The following PSMA8 variants were observed in gnomAD, a reference collection of about 807,000 sequenced individuals.
PSMA8 encodes proteasome subunit alpha-type 8.
A neutral mutation model predicts 32.4 loss-of-function variants in PSMA8; 18 were observed. The ratio of observed to expected loss-of-function variants is 0.56; its 90% CI spans 0.38 to 0.82. PSMA8 has a LOEUF of 0.82. Ranked by LOEUF, PSMA8 falls within the 40% of genes least tolerant of loss-of-function variation. The pLI is 0.00. For missense variants in PSMA8, 298 were observed against 300.7 expected (o/e 0.99, Z 0.07); for synonymous variants, 104 against 98.1 (o/e 1.06, Z -0.36).
At chr18:26,157,737 G>A (rs973619220) in intron 3 of PSMA8, among the ~76,000 whole-genome samples, 5 of 152,076 alleles carry the variant, frequency 3.3e-5, no homozygotes, top group South Asian at 2.1e-4. Context: ...CATTTATAGC[G>A]TCCCTCAAGG....
In PSMA8 at chr18:26,171,127, C is replaced by G. The variant is rs1470124563; in HGVS notation, c.478-7703C>G. ...GGAATGGAGAACCAGGTCTTCTTAC[C>G]CATAATCACCAGATTCTGTTTACCT... On this transcript the variant is annotated intron_variant, in intron 4 of 6. Transcript: ENST00000415576. The G allele has an allele frequency of 9.6e-6, 15 of 1,558,902 alleles. 2 individuals are homozygous for G. Among genetic ancestry groups the G allele is most frequent in the Non-Finnish European group, 1.2e-5 (14 of 1,169,976 alleles).
At chr18:26,145,678 A>G (rs2054997090) in intron 2 of PSMA8, among the ~76,000 whole-genome samples, 1 of 152,192 alleles carries the variant, frequency 6.6e-6, no homozygotes, top group Non-Finnish European at 1.5e-5. Flanking sequence ...AGTTCATGCA[A>G]GTTGTTGCAT....
chr18:26,166,864 A>G (rs183997574), intron 4 of PSMA8, among the ~76,000 whole-genome samples: 13 of 152,344 alleles, frequency 8.5e-5, no homozygotes, highest in Admixed American at 7.8e-4. Flanking sequence ...TTTGGAAAAC[A>G]TGTATTTGCC....
chr18:26,145,673 A>T (rs78574471), intron 2 of PSMA8, among the ~76,000 whole-genome samples: 8 of 152,210 alleles, frequency 5.3e-5, no homozygotes, highest in Admixed American at 5.2e-4. Context: ...CTTGCAGTTC[A>T]TGCAAGTTGT....
intron 1 of PSMA8, among the ~76,000 whole-genome samples, chr18:26,136,661 G>T (rs934232526): frequency 6.6e-6 from 1 of 152,146 alleles, no homozygotes; most frequent in Non-Finnish European, 1.5e-5. Context: ...CTGTACCACA[G>T]AATATTGTAC....
chr18:26,161,272 C>A (rs2055132559), intron 4 of PSMA8, among the ~76,000 whole-genome samples: 1 of 152,180 alleles, frequency 6.6e-6, no homozygotes, highest in African/African-American at 2.4e-5. Context: ...TAAGGATATT[C>A]ATGAGACACA....
intron 4 of PSMA8, among the ~76,000 whole-genome samples, chr18:26,176,861 A>G (rs1004245084): frequency 2.0e-5 from 3 of 152,300 alleles, no homozygotes; most frequent in African/African-American, 7.2e-5. Flanking sequence ...TGAGCCCAGG[A>G]GGCAGAGGTT....
At chr18:26,162,820 C>G (rs539347724) in intron 4 of PSMA8, among the ~76,000 whole-genome samples, 169 of 152,112 alleles carry the variant, frequency 1.1e-3, no homozygotes, top group African/African-American at 4.0e-3. Context: ...GAGCTGAGAT[C>G]ACACCACTGC....
chr18:26,151,385 C>T (rs536357776), intron 2 of PSMA8, among the ~76,000 whole-genome samples: 44 of 152,324 alleles, frequency 2.9e-4, no homozygotes, highest in African/African-American at 1.0e-3. Context: ...CACATTCTGT[C>T]TCCTTACAGA....
intron 4 of PSMA8, among the ~76,000 whole-genome samples, chr18:26,161,428 G>A (rs868620209): frequency 2.0e-5 from 3 of 152,198 alleles, no homozygotes; most frequent in Non-Finnish European, 2.9e-5. Flanking sequence ...TTCATAGCCT[G>A]TTCTAGAATT....
intron 4 of PSMA8, among the ~76,000 whole-genome samples, chr18:26,173,494 C>G (rs886317303): frequency 5.3e-5 from 8 of 151,554 alleles, no homozygotes; most frequent in African/African-American, 1.7e-4. Context: ...CCTTGTTTAC[C>G]TTGTTTATTA....
rs146900756 is a variant in PSMA8 at position 26,151,897 on chromosome 18, G to C, written c.269G>C (p.Arg90Pro). 1.1e-5 allele frequency: 17 copies of C among 1,611,726 alleles called. No homozygotes were observed. In the Admixed American group the frequency reaches 2.2e-4, roughly 21 times the overall value. ...ADARVVINRA[R>P]VECQSHKLTV... ...GCTAGAGTAGTAATAAACAGAGCCC[G>C]TGTGGAGTGCCAGAGCCATAAGCTT... is the stretch of plus-strand genomic sequence containing the variant. Residue 90 changes from arginine (R) to proline (P), a missense_variant, in exon 3 of 7, where the codon CGT becomes CCT. Coordinates refer to ENST00000415576, the MANE Select transcript of PSMA8 (RefSeq NM_001025096.2).
In PSMA8 at chr18:26,169,474, T is replaced by A. The variant is rs2055204770; in HGVS notation, c.478-9356T>A. Reference sequence around the variant, plus strand: ...TTGAACTTATAATTGGTTTTCCTGCTTCTGTATTTTTTTAAATTGTAAAAT... The same window carrying A: ...TTGAACTTATAATTGGTTTTCCTGCATCTGTATTTTTTTAAATTGTAAAAT... On this transcript the variant is annotated intron_variant, in intron 4 of 6. Coordinates refer to ENST00000415576, the MANE Select transcript of PSMA8 (RefSeq NM_001025096.2). Among the ~76,000 whole-genome samples the A allele has an allele frequency of 6.1e-5, 8 of 131,204 alleles. No homozygotes were observed. The South Asian group carries it at 1.7e-3, about 28-fold the overall frequency. 86.1% of individuals were successfully genotyped at this position (131,204 alleles called of 152,430 possible).
intron 4 of PSMA8, among the ~76,000 whole-genome samples, chr18:26,163,213 GTATATATATATATA>G (rs58945617): frequency 0.24 from 19,075 of 80,810 alleles, 2,508 homozygotes; most frequent in East Asian, 0.39. Context: ...ATGTGTGTGT[GTATATATATATATA>G]TATATATATA....
At chr18:26,180,522 C>T (rs1216323161) in intron 6 of PSMA8, among the ~76,000 whole-genome samples, 1 of 152,026 alleles carries the variant, frequency 6.6e-6, no homozygotes, top group Non-Finnish European at 1.5e-5. Flanking sequence ...CAGAGCCCCA[C>T]ATAAATTACA....
Position 26,190,992 on chromosome 18 carries a change from T to C in PSMA8, c.661-1327T>C, listed in dbSNP as rs1352494287. ...CATTTCATAAAACGTTCAAATAATA[T>C]ATTTTATGTAGATTATTGACAAATA... On this transcript the variant is annotated intron_variant, in intron 6 of 6. Transcript: ENST00000415576. 3.3e-5 allele frequency among the ~76,000 whole-genome samples: 5 copies of C among 152,328 alleles called. No homozygotes were observed. In the East Asian group the frequency reaches 7.7e-4, roughly 24 times the overall value.
chr18:26,155,214 G>A (rs1048109249), intron 3 of PSMA8, among the ~76,000 whole-genome samples: 2 of 151,862 alleles, frequency 1.3e-5, no homozygotes, highest in African/African-American at 2.4e-5. Context: ...CAGCCTGGGC[G>A]ACAGAGTGAG....
intron 2 of PSMA8, among the ~76,000 whole-genome samples, chr18:26,150,070 A>G (rs1224354174): frequency 3.3e-5 from 5 of 152,236 alleles, no homozygotes; most frequent in Admixed American, 2.6e-4. Context: ...GAGCACCAAC[A>G]TGATGCTCAA....
intron 4 of PSMA8, among the ~76,000 whole-genome samples, chr18:26,172,558 C>T (rs1313084436): frequency 6.6e-6 from 1 of 152,076 alleles, no homozygotes. Flanking sequence ...GTTTCCTGAG[C>T]ACAGGGTTAA....
Sources: gnomAD v4.1 joint callset for allele counts (sites outside exome capture counted in the v4.1 genomes callset) on GRCh38, gnomAD v4.1.1 for gene constraint, MANE v1.5 for transcripts, NCBI Gene and HGNC (gene_info 2026-07-23, HGNC 2026-07-21) for gene names.